STK33: variants seen among roughly 807,000 people sequenced by gnomAD.
The protein encoded by STK33 is serine/threonine-protein kinase 33.
In STK33, 52 loss-of-function variants were observed where a neutral mutation model predicts 58.0. The ratio of observed to expected loss-of-function variants is 0.90; its 90% CI spans 0.72 to 1.13. The LOEUF (loss-of-function observed/expected upper bound fraction) is 1.13, where lower values mean the gene tolerates loss of function less well. Ranked by LOEUF, STK33 falls within the 50% of genes most tolerant of loss-of-function variation. The pLI is 0.00. For synonymous variants in STK33, 215 were observed against 200.1 expected (o/e 1.07, Z -0.63); for missense variants, 630 against 604.2 (o/e 1.04, Z -0.45).
chr11:8,593,809 C>A (rs1030938793), intron 1 of STK33: 1 of 152,330 alleles, frequency 6.6e-6, no homozygotes, highest in Non-Finnish European at 1.5e-5. Context: ...GAAGGTGAGA[C>A]GGTGGAGATG....
In STK33 at chr11:8,549,441, G is replaced by GT. The variant is rs149237299; in HGVS notation, c.-466+44641dup. Among the ~76,000 whole-genome samples the GT allele has an allele frequency of 6.1e-3, 892 of 147,350 alleles. 9 individuals carry two copies. The highest frequency in any genetic ancestry group is 0.011 in the Middle Eastern group (3 of 280). ...TATTGGCCTGTAGTTTTCTGTTTTT[G>GT]TTTTTTTTTTCTTTTTTGTTATGGC... is the stretch of plus-strand genomic sequence containing the variant. On this transcript the variant is annotated intron_variant, in intron 1 of 15. Coordinates refer to ENST00000687296, the MANE Select transcript of STK33 (RefSeq NM_001352389.2).
chr11:8,592,912 C>A (rs573433486), intron 1 of STK33, among the ~76,000 whole-genome samples: 15 of 152,072 alleles, frequency 9.9e-5, no homozygotes, highest in Non-Finnish European at 1.6e-4. Flanking sequence ...AGGATAAATA[C>A]CTTTAGATTA....
At chr11:8,527,882 G>C (rs1347264745) in intron 1 of STK33, among the ~76,000 whole-genome samples, 1 of 152,060 alleles carries the variant, frequency 6.6e-6, no homozygotes, top group Non-Finnish European at 1.5e-5. Flanking sequence ...AGAAATAGAT[G>C]CAAAAGGCAA....
the STK33 span, among the ~76,000 whole-genome samples, chr11:8,359,034 G>A: frequency 6.6e-6 from 1 of 152,152 alleles, no homozygotes; most frequent in Non-Finnish European, 1.5e-5. Context: ...GTTGACCCTT[G>A]AGAAACGTTA....
At chr11:8,469,623 G>C (rs1040186282) in intron 6 of STK33, among the ~76,000 whole-genome samples, 2 of 152,130 alleles carry the variant, frequency 1.3e-5, no homozygotes, top group Non-Finnish European at 2.9e-5. Flanking sequence ...TTTCCAAAAG[G>C]TTTTCAACTT....
chr11:8,361,468 A>G, the STK33 span, among the ~76,000 whole-genome samples: 3 of 57,300 alleles, frequency 5.2e-5, no homozygotes, highest in African/African-American at 2.0e-4. This position sits in a 1 kb window ranked among gnomAD's most constrained non-coding sequence, Gnocchi z 4.8. Context: ...CCTTCACCCC[A>G]GCCCCCACCC....
In STK33 at chr11:8,489,280, A is replaced by AAAG. The variant is rs200970519; in HGVS notation, c.-465-8667_-465-8666insCTT. Among the ~76,000 whole-genome samples, 485 of 150,970 alleles carry AAAG rather than the reference A, an allele frequency of 3.2e-3. 1 individual carries two copies. The highest frequency in any genetic ancestry group is 0.011 in the African/African-American group (465 of 41,196). On this transcript the variant is annotated intron_variant, in intron 1 of 15. Transcript: ENST00000687296. Reference sequence around the variant, plus strand: ...TCCAAAAAAAAAAAAAAGAAAAAAAAAAAGAAAGAAAAGAAAAGAACTAAA... The same window carrying AAAG: ...TCCAAAAAAAAAAAAAAGAAAAAAAAAAGAAAGAAAGAAAAGAAAAGAACTAAA...
chr11:8,345,620 C>A, the STK33 span, among the ~76,000 whole-genome samples: 3 of 152,200 alleles, frequency 2.0e-5, no homozygotes, highest in South Asian at 6.2e-4. Context: ...TTGAGCAAGG[C>A]TCTTTACCTG....
At chr11:8,497,913 A>G (rs1015901716) in intron 1 of STK33, among the ~76,000 whole-genome samples, 5 of 152,222 alleles carry the variant, frequency 3.3e-5, no homozygotes, top group African/African-American at 1.2e-4. Context: ...ACACACACAC[A>G]CAACTTTTGT....
At chr11:8,397,787 C>T (rs939922888) in intron 15 of STK33, among the ~76,000 whole-genome samples, 2 of 152,086 alleles carry the variant, frequency 1.3e-5, no homozygotes, top group African/African-American at 2.4e-5. Context: ...GAGCTGAAAA[C>T]CATGGCATGA....
intron 15 of STK33, among the ~76,000 whole-genome samples, chr11:8,398,228 A>G (rs1330066667): frequency 6.6e-6 from 1 of 152,246 alleles, no homozygotes; most frequent in African/African-American, 2.4e-5. Flanking sequence ...CGGGTTACCC[A>G]CAAGGTGAAG....
chr11:8,485,859 T>C (rs976019294), intron 1 of STK33, among the ~76,000 whole-genome samples: 4 of 152,244 alleles, frequency 2.6e-5, no homozygotes, highest in Non-Finnish European at 4.4e-5. Context: ...AAACATATAA[T>C]AGCTTTATGT....
chr11:8,407,301 A>G (rs1339788876), intron 15 of STK33, among the ~76,000 whole-genome samples: 1 of 152,066 alleles, frequency 6.6e-6, no homozygotes, highest in African/African-American at 2.4e-5. Context: ...ATTGGCTAAT[A>G]ATTTTCTTGT....
rs146553342 is a variant in STK33, at chr11:8,465,961, G to A, written c.340-1139C>T. ...ACATGGATGGAAGCAGGCAAAGAGA[G>A]GGCTTGTACACAGAAACTCCTGTTT... On this transcript the variant is annotated intron_variant, in intron 6 of 15. Transcript: ENST00000687296. 1.7e-3 allele frequency: 257 copies of A among 152,392 alleles called. 8 individuals carry two copies. In the East Asian group the frequency reaches 0.04, roughly 24 times the overall value. The allele number at this position is 152,392 out of a possible 1,614,324, so 9.4% of individuals were successfully genotyped here.
intron 15 of STK33, among the ~76,000 whole-genome samples, chr11:8,409,541 G>A (rs982368174): frequency 1.3e-5 from 2 of 152,102 alleles, no homozygotes; most frequent in Non-Finnish European, 2.9e-5. Flanking sequence ...TTATTTACAG[G>A]AAAGGAATAA....
At chr11:8,479,605 G>A (rs1040332894) in intron 2 of STK33, among the ~76,000 whole-genome samples, 1 of 152,094 alleles carries the variant, frequency 6.6e-6, no homozygotes, top group African/African-American at 2.4e-5. Flanking sequence ...CACTTTGGGA[G>A]GCGGAGGCAG....
intron 1 of STK33, among the ~76,000 whole-genome samples, chr11:8,576,354 A>G (rs1165664127): frequency 6.6e-6 from 1 of 152,190 alleles, no homozygotes; most frequent in Middle Eastern, 3.2e-3. Context: ...GTGTGTTCTT[A>G]GGCCTTTAAG....
chr11:8,460,360 T>A (rs751568972), intron 8 of STK33, among the ~76,000 whole-genome samples: 15 of 152,018 alleles, frequency 9.9e-5, no homozygotes, highest in East Asian at 3.9e-4. Context: ...GCGTGTTAAG[T>A]AGACACATGG....
chr11:8,425,513 T>A (rs1004497703), intron 14 of STK33, among the ~76,000 whole-genome samples: 1 of 152,194 alleles, frequency 6.6e-6, no homozygotes, highest in African/African-American at 2.4e-5. Context: ...TTTTTTCCAA[T>A]TCTGTGAAGA....
Sources: allele counts gnomAD v4.1 joint callset (sites outside exome capture counted in the v4.1 genomes callset), GRCh38; gene constraint gnomAD v4.1.1; non-coding constraint Gnocchi (gnomAD v3.1); transcripts MANE v1.5; gene names NCBI Gene and HGNC (gene_info 2026-07-23, HGNC 2026-07-21).